Variants in FILIP1L observed in about 807,000 individuals in gnomAD.
The protein encoded by FILIP1L is filamin A interacting protein 1 like, also known as filamin A-interacting protein 1-like.
A neutral mutation model predicts 96.6 loss-of-function variants in FILIP1L; 55 were observed. The ratio of observed to expected loss-of-function variants is 0.57; its 90% CI spans 0.46 to 0.71. FILIP1L has a LOEUF of 0.71. Among genes scored for constraint, FILIP1L ranks in the 30% least tolerant of loss-of-function variants. The pLI is 0.00. For missense variants in FILIP1L, 1,304 were observed against 1,321.2 expected (o/e 0.99, Z 0.20); for synonymous variants, 467 against 473.9 (o/e 0.99, Z 0.19).
intron 1 of FILIP1L, chr3:100,023,371 A>G (rs952395192): frequency 6.6e-6 from 1 of 152,636 alleles, no homozygotes; most frequent in African/African-American, 2.4e-5. Context: ...GATGGCAGCC[A>G]TTGGCACACA....
intron 5 of FILIP1L, among the ~76,000 whole-genome samples, chr3:99,842,536 C>T (rs1434680442): frequency 6.6e-6 from 1 of 151,176 alleles, no homozygotes; most frequent in Non-Finnish European, 1.5e-5. Context: ...TCTCAGGTAA[C>T]CCCTCAAATA....
At chr3:99,930,626 T>G (rs1350028213) in intron 2 of FILIP1L, 143 bp downstream of exon 2, 7 of 834,800 alleles carry the variant, frequency 8.4e-6, no homozygotes, top group African/African-American at 5.1e-5. Flanking sequence ...CAGAGGAGAA[T>G]TCTTTGTATA....
At position 100,013,426 on chromosome 3, in the gene FILIP1L, T is replaced by A. The variant is rs372559629; in HGVS notation, c.-10-82396A>T. Among the ~76,000 whole-genome samples, 7 of 150,286 alleles carry A rather than the reference T, an allele frequency of 4.7e-5. No homozygotes were observed. The East Asian group carries it at 8.1e-4, about 17-fold the overall frequency. On this transcript the variant is annotated intron_variant, in intron 1 of 5. Coordinates refer to ENST00000477258, the MANE Select transcript of FILIP1L (RefSeq NM_001387850.1). ...GCCCAGCTAATTTTTATATTTTTAG[T>A]AGAGACCGGGTTTCCCCATGTTGGC...
rs1431357397 is a variant in FILIP1L, at chr3:99,929,985, G to A, written c.297C>T (p.Asp99=). The part of the protein sequence containing the change: ...VIGILKAEKM[D]LALLEAQYGF... ...CATACTGAGCTTCCAGCAAAGCCAG[G>A]TCCATTTTTTCAGCCTTTAAAATGC... The change falls in exon 3 of 6, where the codon GAC becomes GAT. Residue 99 remains aspartate (D), a synonymous_variant. Coordinates refer to ENST00000477258, the MANE Select transcript of FILIP1L (RefSeq NM_001387850.1). 1 of 1,613,702 alleles carries A rather than the reference G, an allele frequency of 6.2e-7. No individual in the cohort carries two copies. The highest frequency in any genetic ancestry group is 1.3e-5 in the African/African-American group (1 of 74,864).
At chr3:99,936,715 TA>T (rs1292568284) in intron 1 of FILIP1L, among the ~76,000 whole-genome samples, 1 of 150,908 alleles carries the variant, frequency 6.6e-6, no homozygotes, top group Non-Finnish European at 1.5e-5. Flanking sequence ...GTCACACTGC[TA>T]AAAAGTGGCA....
At chr3:100,092,698 G>A (rs564137812) in intron 1 of FILIP1L, among the ~76,000 whole-genome samples, 34 of 147,690 alleles carry the variant, frequency 2.3e-4, no homozygotes, top group African/African-American at 7.0e-4. Context: ...TATTATTTTA[G>A]GTTCTCCCTT....
intron 4 of FILIP1L, among the ~76,000 whole-genome samples, chr3:99,861,023 T>G (rs1223618223): frequency 3.3e-5 from 5 of 152,228 alleles, no homozygotes; most frequent in Non-Finnish European, 7.3e-5. Flanking sequence ...AATACACTGC[T>G]GTGCTAGAGA....
chr3:100,047,933 T>C (rs2065303749), intron 1 of FILIP1L, among the ~76,000 whole-genome samples: 1 of 152,182 alleles, frequency 6.6e-6, no homozygotes, highest in South Asian at 2.1e-4. Flanking sequence ...TTTTCTATGG[T>C]GAGTTGAGCA....
At chr3:99,890,685 T>C (rs1014397331) in intron 4 of FILIP1L, among the ~76,000 whole-genome samples, 6 of 152,246 alleles carry the variant, frequency 3.9e-5, no homozygotes, top group South Asian at 4.1e-4. Flanking sequence ...TTTGACCATT[T>C]TCTATAGTCT....
intron 1 of FILIP1L, among the ~76,000 whole-genome samples, chr3:99,984,993 G>A (rs1289349406): frequency 6.6e-6 from 1 of 152,186 alleles, no homozygotes; most frequent in Non-Finnish European, 1.5e-5. Context: ...GATAACTCGT[G>A]TTAAAAATAA....
intron 1 of FILIP1L, among the ~76,000 whole-genome samples, chr3:99,938,036 C>CA (rs1329960035): frequency 6.7e-6 from 1 of 150,178 alleles, no homozygotes; most frequent in South Asian, 2.1e-4. Context: ...CTGGTGCCTG[C>CA]AAAAGGCTCA....
At chr3:100,055,574 T>C (rs527747040) in intron 1 of FILIP1L, among the ~76,000 whole-genome samples, 2 of 152,318 alleles carry the variant, frequency 1.3e-5, no homozygotes, top group African/African-American at 4.8e-5. Flanking sequence ...TATACAAAGA[T>C]GCAAAGATAA....
At position 99,984,062 on chromosome 3, in the gene FILIP1L, G is replaced by GTGTGTGTGTGTGTGTGTGTT. The variant is rs1424250163; in HGVS notation, c.-10-53033_-10-53032insAACACACACACACACACACA. On this transcript the variant is annotated intron_variant, in intron 1 of 5. Coordinates refer to ENST00000477258, the MANE Select transcript of FILIP1L (RefSeq NM_001387850.1). Reference sequence around the variant, plus strand: ...AAAGGATGTATATGTATGTGTGTTTGTGTGTGTGTGTGTGTTCAGCTACAA... The same window carrying GTGTGTGTGTGTGTGTGTGTT: ...AAAGGATGTATATGTATGTGTGTTTGTGTGTGTGTGTGTGTGTGTTTGTGTGTGTGTGTGTTCAGCTACAA... 5.2e-3 allele frequency among the ~76,000 whole-genome samples: 786 copies of GTGTGTGTGTGTGTGTGTGTT among 151,644 alleles called. 12 individuals carry two copies. The highest frequency in any genetic ancestry group is 0.017 in the African/African-American group (709 of 41,432).
chr3:99,903,242 G>A (rs1466861901), intron 4 of FILIP1L, among the ~76,000 whole-genome samples: 1 of 150,808 alleles, frequency 6.6e-6, no homozygotes, highest in Non-Finnish European at 1.5e-5. Context: ...GTGTGTATAT[G>A]TATACACATA....
At chr3:99,961,896 T>C in intron 1 of FILIP1L, among the ~76,000 whole-genome samples, 1 of 78,788 alleles carries the variant, frequency 1.3e-5, no homozygotes, top group African/African-American at 7.7e-5. Context: ...AGCTAGAAAC[T>C]AGGGAAGCAC....
rs778641584 is a variant in FILIP1L at position 99,830,465 on chromosome 3, G to T, written c.3522C>A (p.Ile1174=). 6.6e-6 allele frequency: 3 copies of T among 456,406 alleles called. No individual in the cohort carries two copies. Among genetic ancestry groups the T allele is most frequent in the South Asian group, 3.1e-5 (2 of 64,552 alleles). 28.3% of individuals were successfully genotyped at this position (456,406 alleles called of 1,614,324 possible). ...AGGTGTTGGAGGTGACAGTTCTCACGATGTGTAGCTTCCCACAGCCATTTT... is the reference window on the plus strand; with the variant it reads ...AGGTGTTGGAGGTGACAGTTCTCACTATGTGTAGCTTCCCACAGCCATTTT... The part of the protein sequence containing the change: ...IYQNGCGKLH[I]VRTVTSNTFL... Residue 1174 remains isoleucine, a synonymous_variant, in exon 6 of 6, where the codon ATC becomes ATA. Transcript: ENST00000477258.
intron 1 of FILIP1L, among the ~76,000 whole-genome samples, chr3:100,008,757 G>A (rs1405666483): frequency 6.6e-6 from 1 of 152,178 alleles, no homozygotes; most frequent in Non-Finnish European, 1.5e-5. Flanking sequence ...TCTAGACTAG[G>A]AGGAGTATTG....
chr3:99,998,101 G>A (rs767577126), intron 1 of FILIP1L, among the ~76,000 whole-genome samples: 70 of 152,162 alleles, frequency 4.6e-4, no homozygotes, highest in Non-Finnish European at 7.8e-4. Context: ...TAACTGGTGC[G>A]GAAATTCAGA....
At chr3:99,866,685 A>C (rs1273954675) in intron 4 of FILIP1L, among the ~76,000 whole-genome samples, 1 of 152,134 alleles carries the variant, frequency 6.6e-6, no homozygotes, top group African/African-American at 2.4e-5. Context: ...TAAACAATTA[A>C]ATCATGAGCC....
Sources: gnomAD v4.1 joint callset for allele counts (sites outside exome capture counted in the v4.1 genomes callset) on GRCh38, gnomAD v4.1.1 for gene constraint, MANE v1.5 for transcripts, NCBI Gene and HGNC (gene_info 2026-07-23, HGNC 2026-07-21) for gene names.